Variants in MFSD12 observed in about 807,000 individuals in gnomAD.
MFSD12 encodes major facilitator superfamily domain containing 12.
Under a neutral mutation model 51.2 loss-of-function variants are expected in MFSD12, and 67 were observed. That is an observed-to-expected ratio of 1.31 (90% CI 1.08 to 1.60). MFSD12 has a LOEUF of 1.60. Ranked by LOEUF, MFSD12 falls within the 40% of genes most tolerant of loss-of-function variation. The pLI, the probability that MFSD12 is intolerant of heterozygous loss-of-function variation, is 0.00. For synonymous variants in MFSD12, 441 were observed against 316.7 expected (o/e 1.39, Z -4.17); for missense variants, 921 against 673.0 (o/e 1.37, Z -4.08).
chr19:3,539,084 G>A (rs1485937465), intron 4 of MFSD12: 2 of 758,754 alleles, frequency 2.6e-6, no homozygotes, highest in African/African-American at 3.4e-5. Context: ...AGGAGGGAGT[G>A]GTCAGCGTGG....
At chr19:3,550,207 C>A (rs560383361) in intron 2 of MFSD12, among the ~76,000 whole-genome samples, 5 of 152,148 alleles carry the variant, frequency 3.3e-5, no homozygotes, top group Admixed American at 6.6e-5. Flanking sequence ...GCCCTCTCCC[C>A]CTAGCTCAGC....
chr19:3,550,119 C>A (rs1258894298), intron 2 of MFSD12, among the ~76,000 whole-genome samples: 1 of 152,142 alleles, frequency 6.6e-6, no homozygotes. Flanking sequence ...GAGGAGGGAC[C>A]GCCCCCAGCC....
At chr19:3,549,716 C>G (rs945264579) in intron 2 of MFSD12, among the ~76,000 whole-genome samples, 2 of 84,850 alleles carry the variant, frequency 2.4e-5, no homozygotes, top group African/African-American at 1.0e-4. Flanking sequence ...GAGTGAGACT[C>G]TTGTCTCAAA....
Position 3,544,482 on chromosome 19 carries a change from G to A in MFSD12, c.*228C>T, listed in dbSNP as rs1227209992. The A allele has an allele frequency of 4.4e-6, 6 of 1,378,954 alleles. No individual in the cohort carries two copies. Among genetic ancestry groups the A allele is most frequent in the East Asian group, 2.6e-5 (1 of 38,030 alleles). 85.4% of individuals were successfully genotyped at this position (1,378,954 alleles called of 1,614,324 possible). A position where few individuals can be genotyped will look rare whatever the true frequency, so the allele number is the denominator to read the frequency against. ...CCCAAATCCTCCAGAGGGCTGGGAT[G>A]GATTAGAGTTGAGAATGGGACACCC... On this transcript the variant is annotated 3_prime_UTR_variant, in exon 10 of 10. Transcript: ENST00000355415.
chr19:3,547,071 C>G (rs936917705), intron 6 of MFSD12, among the ~76,000 whole-genome samples: 1 of 152,176 alleles, frequency 6.6e-6, no homozygotes, highest in Admixed American at 6.5e-5. Context: ...ATCTCCTGAC[C>G]TCGTGATCCG....
Position 3,557,284 on chromosome 19 carries a change from G to A in MFSD12, c.120C>T (p.Phe40=). 6.3e-7 allele frequency: 1 copy of A among 1,597,568 alleles called. No individual in the cohort carries two copies. The highest frequency in any genetic ancestry group is 8.5e-7 in the Non-Finnish European group (1 of 1,173,424). Residue 40 remains phenylalanine (F), a synonymous_variant, in exon 1 of 10, where the codon TTC becomes TTT. Coordinates refer to ENST00000355415, the MANE Select transcript of MFSD12 (RefSeq NM_174983.5). ...FLNDLCASMW[F]TYLLLYLHSV... The stretch of plus-strand genomic sequence containing the variant: ...AGTGCAGGTAGAGCAGCAGGTAGGT[G>A]AACCACATGGACGCGCACAGGTCGT...
Position 3,544,772 on chromosome 19 carries a change from T to TCAGTGTC in MFSD12, c.1420+30_1420+36dup, listed in dbSNP as rs756142909. ...TGGAAATGGCATTAGAGAGTGTGGGTCAGTGTCTGGGGAGGGAGGGGTGGG... is the reference window on the plus strand; with the variant it reads ...TGGAAATGGCATTAGAGAGTGTGGGTCAGTGTCCAGTGTCTGGGGAGGGAGGGGTGGG... On this transcript the variant is annotated intron_variant, in intron 9 of 9. Transcript: ENST00000355415. 11 of 1,286,096 alleles carry TCAGTGTC rather than the reference T, an allele frequency of 8.6e-6. No individual in the cohort carries two copies. In the East Asian group the frequency reaches 2.9e-4, roughly 34 times the overall value. The allele number at this position is 1,286,096 out of a possible 1,614,324, so 79.7% of individuals were successfully genotyped here. A position where few individuals can be genotyped will look rare whatever the true frequency, so the allele number is the denominator to read the frequency against.
intron 2 of MFSD12, among the ~76,000 whole-genome samples, chr19:3,548,688 C>CCG (rs1555698125): frequency 6.6e-6 from 1 of 152,066 alleles, no homozygotes; most frequent in African/African-American, 2.4e-5. Context: ...CAGAGTCCCC[C>CCG]GGGGGGCCTC....
At chr19:3,539,594 T>C (rs1219043035), downstream of MFSD12, 4 of 307,128 alleles carry the variant, frequency 1.3e-5, no homozygotes, top group Non-Finnish European at 2.4e-5. Flanking sequence ...TGAGAGAGTC[T>C]GTCCCACACC....
downstream of MFSD12, chr19:3,540,009 T>C (rs2030226254): frequency 1.3e-5 from 2 of 152,018 alleles, no homozygotes; most frequent in Non-Finnish European, 2.9e-5. Flanking sequence ...CCCAGCACTT[T>C]GGAAGGCTAA....
At chr19:3,547,169 G>T (rs543823165) in intron 6 of MFSD12, 103 bp downstream of exon 6, 5 of 1,035,686 alleles carry the variant, frequency 4.8e-6, no homozygotes, top group Middle Eastern at 2.9e-4. Flanking sequence ...GCGGGAACTC[G>T]GAGGCCTGAG....
intron 4 of MFSD12, chr19:3,539,100 G>A (rs557968123): frequency 8.3e-6 from 8 of 962,016 alleles, no homozygotes; most frequent in Non-Finnish European, 8.0e-6. Context: ...CGTGGTTGCC[G>A]AGACACTGGG....
intron 6 of MFSD12, among the ~76,000 whole-genome samples, chr19:3,546,787 C>T (rs1053090513): frequency 3.3e-5 from 5 of 152,282 alleles, no homozygotes; most frequent in Non-Finnish European, 7.3e-5. Context: ...TGTATAAACT[C>T]GAGACACAGA....
chr19:3,551,075 A>T lies in MFSD12; in HGVS notation c.418T>A (p.Phe140Ile). The T allele has an allele frequency of 6.2e-7, 1 of 1,613,016 alleles. No homozygotes were observed. Among genetic ancestry groups the T allele is most frequent in the Non-Finnish European group, 8.5e-7 (1 of 1,179,970 alleles). The change falls in exon 2 of 10, where the codon TTT becomes ATT. Residue 140 changes from phenylalanine to isoleucine, a missense_variant. Physicochemically the swap from Phe to Ile is conservative, Grantham distance 21. Transcript: ENST00000355415. The surrounding 1 kb of genome is among the most constrained non-coding windows in gnomAD (Gnocchi z 4.6). ...YYGPFIVIFQ[F>I]GWASTQISHL... is the part of the protein sequence containing the mutation. ...GAGATCTGTGTGGAGGCCCAGCCAA[A>T]CTGGAAGATCACGATGAACGGGCCG...
At chr19:3,542,893 CT>C (rs1568249341), downstream of MFSD12, 1 of 1,410,788 alleles carries the variant, frequency 7.1e-7, no homozygotes. Flanking sequence ...ACTTGTGGGT[CT>C]TGGAGGCTGG....
rs780795410 is a variant in MFSD12, at chr19:3,544,914, C to T, written c.1315G>A (p.Val439Met). ...ACCATCGCCCAGTGGTAAAAGCTCA[C>T]GCAGGCCCTGCAGCAGAGCTCTGAG... ...CPSELCCRAC[V>M]SFYHWAMVAV... Residue 439 changes from valine (V) to methionine (M), a missense_variant, in exon 9 of 10, where the codon GTG (valine) becomes ATG (methionine). Physicochemically the swap from Val to Met is conservative, Grantham distance 21. Transcript: ENST00000355415. 232 of 1,610,546 alleles carry T rather than the reference C, an allele frequency of 1.4e-4. No homozygotes were observed. Among genetic ancestry groups the T allele is most frequent in the Non-Finnish European group, 1.7e-4 (200 of 1,179,234 alleles).
At chr19:3,545,202 A>C (rs2030887673) in intron 8 of MFSD12, among the ~76,000 whole-genome samples, 1 of 151,684 alleles carries the variant, frequency 6.6e-6, no homozygotes, top group Admixed American at 6.6e-5. Context: ...GCCCGCCTGC[A>C]CCCGCCCCGG....
intron 8 of MFSD12, 29 bp downstream of exon 8, chr19:3,546,045 A>AT (rs773142107): frequency 6.2e-7 from 1 of 1,610,026 alleles, no homozygotes; most frequent in Non-Finnish European, 8.5e-7. Context: ...ACTGAACAAA[A>AT]GAATGAATGA....
rs2030765311 is a variant in MFSD12, at chr19:3,544,450, G to C, written c.*260C>G. 1 of 1,342,620 alleles carries C rather than the reference G, an allele frequency of 7.4e-7. No homozygotes were observed. The highest frequency in any genetic ancestry group is 9.5e-7 in the Non-Finnish European group (1 of 1,049,420). The allele number at this position is 1,342,620 out of a possible 1,614,324, so 83.2% of individuals were successfully genotyped here. ...TCCTACTTCCTGTTCCCTGCCGAGA[G>C]GGGCACCCCAAATCCTCCAGAGGGC... On this transcript the variant is annotated 3_prime_UTR_variant, in exon 10 of 10. Transcript: ENST00000355415.
Sources: allele counts gnomAD v4.1 joint callset (sites outside exome capture counted in the v4.1 genomes callset), GRCh38; gene constraint gnomAD v4.1.1; non-coding constraint Gnocchi (gnomAD v3.1); transcripts MANE v1.5; gene names NCBI Gene and HGNC (gene_info 2026-07-23, HGNC 2026-07-21).